CCDC191: variants seen among roughly 807,000 people sequenced by gnomAD.
The protein encoded by CCDC191 is coiled-coil domain-containing protein 191.
CCDC191 carries 99 observed loss-of-function variants against 114.0 expected under a neutral mutation model. The ratio of observed to expected loss-of-function variants is 0.87; its 90% CI spans 0.74 to 1.03. The LOEUF (loss-of-function observed/expected upper bound fraction) is 1.03. Among genes scored for constraint, CCDC191 ranks in the 50% least tolerant of loss-of-function variants. The pLI, the probability that CCDC191 is intolerant of heterozygous loss-of-function variation, is 0.00. For missense variants in CCDC191, 973 were observed against 1,087.0 expected (o/e 0.90, Z 1.47); for synonymous variants, 351 against 376.0 (o/e 0.93, Z 0.77).
intron 9 of CCDC191, among the ~76,000 whole-genome samples, chr3:114,009,944 G>A (rs1259637119): frequency 1.3e-5 from 2 of 152,024 alleles, no homozygotes; most frequent in Non-Finnish European, 2.9e-5. Flanking sequence ...CCTTAGACAG[G>A]GGATATGTAT....
At position 113,978,089 on chromosome 3, in the gene CCDC191, C is replaced by T; in HGVS notation, c.2606+97G>A. On this transcript the variant is annotated intron_variant, in intron 16 of 16. Coordinates refer to ENST00000295878, the MANE Select transcript of CCDC191 (RefSeq NM_020817.2). Reference sequence around the variant, plus strand: ...ACTGGTGTTTCCCCGCTCTCCTAGCCTCCAGCTCATCTCTGCAGACACATT... The same window carrying T: ...ACTGGTGTTTCCCCGCTCTCCTAGCTTCCAGCTCATCTCTGCAGACACATT... 6 of 1,401,608 alleles carry T rather than the reference C, an allele frequency of 4.3e-6. No homozygotes were observed. The South Asian group carries it at 7.5e-5, about 17-fold the overall frequency. The allele number at this position is 1,401,608 out of a possible 1,614,324, so 86.8% of individuals were successfully genotyped here.
intron 8 of CCDC191, among the ~76,000 whole-genome samples, chr3:114,016,683 C>T (rs1168893964): frequency 6.6e-6 from 1 of 152,130 alleles, no homozygotes; most frequent in East Asian, 1.9e-4. Context: ...AAAAAATTGG[C>T]ACATTATGCT....
At chr3:114,030,137 ACT>A (rs1026294137) in intron 7 of CCDC191, among the ~76,000 whole-genome samples, 3 of 152,116 alleles carry the variant, frequency 2.0e-5, no homozygotes, top group African/African-American at 4.8e-5. Context: ...TTATTCAGAA[ACT>A]CTGCACTATT....
chr3:113,997,092 A>AT (rs1043053142), intron 13 of CCDC191, among the ~76,000 whole-genome samples: 3 of 152,190 alleles, frequency 2.0e-5, no homozygotes, highest in African/African-American at 4.8e-5. Flanking sequence ...GTATTTGGTA[A>AT]TTTTTTTCTC....
intron 1 of CCDC191, among the ~76,000 whole-genome samples, chr3:114,055,603 G>A (rs1162099307): frequency 6.6e-6 from 1 of 152,236 alleles, no homozygotes; most frequent in African/African-American, 2.4e-5. Flanking sequence ...AACAGCTGGT[G>A]AAACTGCTCT....
chr3:113,979,435 T>C (rs1180177357), intron 14 of CCDC191, among the ~76,000 whole-genome samples: 2 of 152,250 alleles, frequency 1.3e-5, no homozygotes, highest in Non-Finnish European at 2.9e-5. Flanking sequence ...CAATTAGTGT[T>C]GTGGAATGAG....
intron 7 of CCDC191, among the ~76,000 whole-genome samples, chr3:114,030,373 T>C (rs1156710532): frequency 6.6e-6 from 1 of 152,180 alleles, no homozygotes; most frequent in Admixed American, 6.5e-5. Context: ...TTTTTCCTTA[T>C]GTCTTCTCAA....
At chr3:114,002,322 A>G (rs947260385) in intron 12 of CCDC191, 134 bp downstream of exon 12, 3 of 602,246 alleles carry the variant, frequency 5.0e-6, no homozygotes, top group Non-Finnish European at 8.5e-6. Flanking sequence ...TCAGGCCACT[A>G]GGCCAAAAAA....
intron 8 of CCDC191, among the ~76,000 whole-genome samples, chr3:114,012,003 G>A (rs1577412498): frequency 6.6e-6 from 1 of 152,138 alleles, no homozygotes; most frequent in Non-Finnish European, 1.5e-5. Context: ...ATCTTGGAAA[G>A]GTGACTCATA....
intron 9 of CCDC191, 106 bp from the exon 10 acceptor site, chr3:114,006,068 G>T: frequency 2.0e-6 from 2 of 984,960 alleles, no homozygotes; most frequent in South Asian, 1.3e-5. Flanking sequence ...CAACTGCCAT[G>T]TATTGCAGGT....
At chr3:113,992,716 TTAAAG>T (rs2075609415) in intron 13 of CCDC191, among the ~76,000 whole-genome samples, 1 of 151,956 alleles carries the variant, frequency 6.6e-6, no homozygotes, top group Non-Finnish European at 1.5e-5. Flanking sequence ...ACCCTAAAAC[TTAAAG>T]TATAATAAAA....
chr3:114,029,837 C>T (rs149588161), intron 7 of CCDC191, among the ~76,000 whole-genome samples: 1 of 152,184 alleles, frequency 6.6e-6, no homozygotes, highest in East Asian at 1.9e-4. Context: ...CTACAAAATA[C>T]CTGACCAGTT....
At chr3:114,038,195 C>G (rs1235482163) in intron 4 of CCDC191, among the ~76,000 whole-genome samples, 1 of 152,152 alleles carries the variant, frequency 6.6e-6, no homozygotes, top group Non-Finnish European at 1.5e-5. Flanking sequence ...TTTCAGTTTT[C>G]TAATGACTAA....
chr3:114,028,300 T>TA lies in CCDC191; in HGVS notation c.972+3325dup, dbSNP rs1553751285. Among the ~76,000 whole-genome samples, 18 of 148,766 alleles carry TA rather than the reference T, an allele frequency of 1.2e-4. 1 individual carries two copies. Among genetic ancestry groups the TA allele is most frequent in the Admixed American group, 6.0e-4 (9 of 14,922 alleles). ...ATTTTTTTTTTTTTTTTTTTTTTTT[T>TA]ATCGAGACGGAGTCTCGCTCTGTCG... On this transcript the variant is annotated intron_variant, in intron 7 of 16. Transcript: ENST00000295878.
At position 114,005,522 on chromosome 3, in the gene CCDC191, G is replaced by A; in HGVS notation, c.1854C>T (p.Cys618=). Residue 618 remains cysteine (C), a synonymous_variant, in exon 10 of 17, where the codon TGC becomes TGT. Coordinates refer to ENST00000295878, the MANE Select transcript of CCDC191 (RefSeq NM_020817.2). Reference sequence around the variant, plus strand: ...AACAGACATACTTCACAAGCATCTGGCAGGTTCTTGGTTCCTCTTCTCTGG... The same window carrying A: ...AACAGACATACTTCACAAGCATCTGACAGGTTCTTGGTTCCTCTTCTCTGG... The part of the protein sequence containing the change: ...SKPREEEPRT[C]QMLVNSPVAS... The A allele has an allele frequency of 6.2e-7, 1 of 1,608,862 alleles. No individual in the cohort carries two copies. Among genetic ancestry groups the A allele is most frequent in the South Asian group, 1.1e-5 (1 of 90,314 alleles).
Position 113,965,048 on chromosome 3 carries a change from C to G in CCDC191, c.*107G>C, listed in dbSNP as rs531212298. On this transcript the variant is annotated 3_prime_UTR_variant, in exon 17 of 17. Coordinates refer to ENST00000295878, the MANE Select transcript of CCDC191 (RefSeq NM_020817.2). ...ATAATTCCTTTGATCTAAGAAGTAG[C>G]TCGTAGAGAATAAACCAGGTGTATG... 3 of 578,878 alleles carry G rather than the reference C, an allele frequency of 5.2e-6. No individual in the cohort carries two copies. In the East Asian group the frequency reaches 8.9e-5, roughly 17 times the overall value. The allele number at this position is 578,878 out of a possible 1,614,324, so 35.9% of individuals were successfully genotyped here.
chr3:114,015,214 C>A (rs1046859629), intron 8 of CCDC191, among the ~76,000 whole-genome samples: 1 of 151,740 alleles, frequency 6.6e-6, no homozygotes. Context: ...TAACAAAGAA[C>A]GAAGGGCTTG....
chr3:113,988,348 G>A lies in CCDC191; in HGVS notation c.2164-7555C>T, dbSNP rs970557461. ...ATCTCTACTAAAAATACAAAAATTA[G>A]CCGGGCATGGTGGCGGGCGCCTGTT... On this transcript the variant is annotated intron_variant, in intron 13 of 16. Coordinates refer to ENST00000295878, the MANE Select transcript of CCDC191 (RefSeq NM_020817.2). Among the ~76,000 whole-genome samples the A allele has an allele frequency of 2.6e-5, 4 of 152,004 alleles. No individual in the cohort carries two copies. In the East Asian group the frequency reaches 7.7e-4, roughly 29 times the overall value.
At chr3:113,970,736 G>C (rs973166607) in intron 16 of CCDC191, among the ~76,000 whole-genome samples, 6 of 151,430 alleles carry the variant, frequency 4.0e-5, no homozygotes, top group African/African-American at 9.7e-5. Flanking sequence ...CCCCACAGCA[G>C]ACCCCGGTGT....
Sources: gnomAD v4.1 joint callset for allele counts (sites outside exome capture counted in the v4.1 genomes callset) on GRCh38, gnomAD v4.1.1 for gene constraint, MANE v1.5 for transcripts, NCBI Gene and HGNC (gene_info 2026-07-23, HGNC 2026-07-21) for gene names.